PRDM16: variants seen among roughly 807,000 people sequenced by gnomAD.
PRDM16 encodes the protein histone-lysine N-methyltransferase PRDM16.
In PRDM16, 23 loss-of-function variants were observed where a neutral mutation model predicts 110.6. That is an observed-to-expected ratio of 0.21 (90% CI 0.15 to 0.29). The LOEUF (loss-of-function observed/expected upper bound fraction) is 0.29. Among genes scored for constraint, PRDM16 ranks in the 10% least tolerant of loss-of-function variants. PRDM16 has a pLI of 1.00. For synonymous variants in PRDM16, 799 were observed against 781.8 expected, an observed-to-expected ratio of 1.02 and a Z score of -0.37; for missense variants, 1,615 against 1,794.3, an observed-to-expected ratio of 0.90 and a Z score of 1.81.
intron 3 of PRDM16, among the ~76,000 whole-genome samples, chr1:3,331,229 T>A (rs1642034914): frequency 6.6e-6 from 1 of 152,096 alleles, no homozygotes; most frequent in Non-Finnish European, 1.5e-5. Flanking sequence ...GCTGCGCAAC[T>A]TCTCCACTGC....
intron 1 of PRDM16, among the ~76,000 whole-genome samples, chr1:3,184,018 T>G (rs1162545659): frequency 6.6e-6 from 1 of 152,182 alleles, no homozygotes; most frequent in Non-Finnish European, 1.5e-5. Flanking sequence ...TGTACCTTTC[T>G]GCTGCACACG....
intron 4 of PRDM16, among the ~76,000 whole-genome samples, chr1:3,389,949 G>GCCCCCCC (rs70938087): frequency 2.2e-3 from 231 of 107,020 alleles, no homozygotes; most frequent in Non-Finnish European, 3.1e-3. Flanking sequence ...CTGGGGGTGC[G>GCCCCCCC]CCCCCCCCCC....
At chr1:3,225,648 C>CT (rs137909285) in intron 2 of PRDM16, among the ~76,000 whole-genome samples, 9,533 of 151,586 alleles carry the variant, frequency 0.063, 546 homozygotes, top group South Asian at 0.22. Flanking sequence ...AGAATTCTAA[C>CT]TTATTTTGGC....
At chr1:3,200,485 G>A (rs916283341) in intron 2 of PRDM16, among the ~76,000 whole-genome samples, 1 of 152,226 alleles carries the variant, frequency 6.6e-6, no homozygotes, top group South Asian at 2.1e-4. Context: ...TGGGACTACA[G>A]GCGCCCGCCA....
At chr1:3,078,209 G>A (rs532224193) in intron 1 of PRDM16, among the ~76,000 whole-genome samples, 1 of 152,278 alleles carries the variant, frequency 6.6e-6, no homozygotes, top group East Asian at 1.9e-4. Flanking sequence ...TGTGTGCCGG[G>A]CTCCGAGACC....
At chr1:3,164,552 G>A (rs1187828662) in intron 1 of PRDM16, among the ~76,000 whole-genome samples, 2 of 152,192 alleles carry the variant, frequency 1.3e-5, no homozygotes, top group African/African-American at 4.8e-5. Flanking sequence ...TAAGCAATCC[G>A]AAGGCATTGC....
At chr1:3,078,489 G>C (rs1338952699) in intron 1 of PRDM16, among the ~76,000 whole-genome samples, 2 of 152,222 alleles carry the variant, frequency 1.3e-5, no homozygotes, top group African/African-American at 4.8e-5. Context: ...GAGGCTCAGG[G>C]CCTCCTCTCT....
At chr1:3,223,010 G>A (rs1055948524) in intron 2 of PRDM16, among the ~76,000 whole-genome samples, 2 of 151,894 alleles carry the variant, frequency 1.3e-5, no homozygotes, top group East Asian at 1.9e-4. Context: ...ATGAGCGTGC[G>A]TGGGGTAGCA....
chr1:3,161,030 C>T (rs1172120408), intron 1 of PRDM16, among the ~76,000 whole-genome samples: 1 of 152,144 alleles, frequency 6.6e-6, no homozygotes, highest in Non-Finnish European at 1.5e-5. Flanking sequence ...CTGGTAACCC[C>T]CACCTCCACC....
intron 1 of PRDM16, 70 bp from the exon 2 acceptor site, chr1:3,186,055 G>A (rs1569797928): frequency 7.4e-7 from 1 of 1,345,738 alleles, no homozygotes. Flanking sequence ...CGAGTCCCCG[G>A]CGCTCCCTGA....
intron 3 of PRDM16, among the ~76,000 whole-genome samples, chr1:3,267,872 T>C (rs1364185476): frequency 6.6e-6 from 1 of 152,128 alleles, no homozygotes; most frequent in Non-Finnish European, 1.5e-5. Flanking sequence ...GTCCATGACG[T>C]GGATCCTAAG....
chr1:3,374,586 G>T (rs1642960605), intron 3 of PRDM16, among the ~76,000 whole-genome samples: 1 of 152,180 alleles, frequency 6.6e-6, no homozygotes, highest in East Asian at 1.9e-4. Context: ...AGGGCCCTCT[G>T]TGCGACTGTG....
At chr1:3,253,747 T>C (rs1639991612) in intron 3 of PRDM16, among the ~76,000 whole-genome samples, 1 of 152,170 alleles carries the variant, frequency 6.6e-6, no homozygotes, top group African/African-American at 2.4e-5. Context: ...CTGGGTCAAA[T>C]GGTATTTCTA....
At chr1:3,408,838 TGGA>T (rs1247976380) in intron 8 of PRDM16, among the ~76,000 whole-genome samples, 2 of 76,416 alleles carry the variant, frequency 2.6e-5, no homozygotes, top group East Asian at 8.1e-4. Flanking sequence ...GTGCGTGTGT[TGGA>T]GGATGTGAGA....
intron 1 of PRDM16, among the ~76,000 whole-genome samples, chr1:3,070,440 C>G (rs1641722265): frequency 1.3e-5 from 2 of 148,326 alleles, no homozygotes; most frequent in Admixed American, 6.7e-5. Flanking sequence ...GCGCGGCTCC[C>G]GCAGCCCCGC....
chr1:3,269,183 TC>T (rs1194880412), intron 3 of PRDM16, among the ~76,000 whole-genome samples: 1 of 152,182 alleles, frequency 6.6e-6, no homozygotes, highest in Non-Finnish European at 1.5e-5. Flanking sequence ...GCTGGTTCAG[TC>T]CCAAGGAGCA....
intron 1 of PRDM16, among the ~76,000 whole-genome samples, chr1:3,106,821 G>A (rs977305754): frequency 6.6e-6 from 1 of 152,170 alleles, no homozygotes; most frequent in Non-Finnish European, 1.5e-5. Context: ...AGGGCAGAGG[G>A]CTGTGCCCAT....
Position 3,175,615 on chromosome 1 carries a change from G to A in PRDM16, c.38-10510G>A, listed in dbSNP as rs1160633637. On this transcript the variant is annotated intron_variant, in intron 1 of 16. Coordinates refer to ENST00000270722, the MANE Select transcript of PRDM16 (RefSeq NM_022114.4). The surrounding 1 kb of genome is among the most constrained non-coding windows in gnomAD (Gnocchi z 4.8). ...GAGCCAGAGGATGGGGCCCCAACAA[G>A]CCTCAGGTGGAAGCTGCAGTCCCGT... Among the ~76,000 whole-genome samples the A allele has an allele frequency of 6.6e-6, 1 of 152,164 alleles. No homozygotes were observed. Among genetic ancestry groups the A allele is most frequent in the African/African-American group, 2.4e-5 (1 of 41,426 alleles).
intron 3 of PRDM16, among the ~76,000 whole-genome samples, chr1:3,257,975 A>G (rs1346333147): frequency 6.6e-6 from 1 of 152,156 alleles, no homozygotes; most frequent in Non-Finnish European, 1.5e-5. Flanking sequence ...TGCTGGAGAC[A>G]TGAGGTTGGA....
Sources: gnomAD v4.1 joint callset for allele counts (sites outside exome capture counted in the v4.1 genomes callset) on GRCh38, gnomAD v4.1.1 for gene constraint, Gnocchi (gnomAD v3.1) non-coding constraint, MANE v1.5 for transcripts, NCBI Gene and HGNC (gene_info 2026-07-23, HGNC 2026-07-21) for gene names.